Variants in CTNND2 observed in about 807,000 individuals in gnomAD.
CTNND2 encodes catenin delta-2.
In CTNND2, 22 loss-of-function variants were observed where a neutral mutation model predicts 144.4. The observed-to-expected ratio is 0.15, with a 90% confidence interval of 0.11 to 0.22. The LOEUF is 0.22. Among genes scored for constraint, CTNND2 ranks in the 10% least tolerant of loss-of-function variants. CTNND2 has a pLI of 1.00. For synonymous variants in CTNND2, 751 were observed against 695.6 expected (o/e 1.08, Z -1.25); for missense variants, 1,353 against 1,618.8 (o/e 0.84, Z 2.82).
intron 6 of CTNND2, among the ~76,000 whole-genome samples, chr5:11,386,905 G>A (rs1046640938): frequency 1.3e-5 from 2 of 152,138 alleles, no homozygotes; most frequent in Middle Eastern, 3.2e-3. Context: ...CTGAGCCCCA[G>A]AGAAATAGTC....
At chr5:11,585,776 C>G (rs1413060747) in intron 2 of CTNND2, among the ~76,000 whole-genome samples, 1 of 141,846 alleles carries the variant, frequency 7.0e-6, no homozygotes, top group Non-Finnish European at 1.5e-5. Flanking sequence ...GCGTCATTGA[C>G]AAGGTGACAT....
At chr5:11,076,620 C>G (rs554025870) in intron 16 of CTNND2, among the ~76,000 whole-genome samples, 1 of 152,202 alleles carries the variant, frequency 6.6e-6, no homozygotes. Flanking sequence ...CTATAGCATA[C>G]TTATTGCTGT....
intron 1 of CTNND2, among the ~76,000 whole-genome samples, chr5:11,810,785 T>C (rs1302369384): frequency 1.3e-5 from 2 of 152,176 alleles, no homozygotes; most frequent in African/African-American, 2.4e-5. Context: ...TAATTACGCA[T>C]TGTCATACTA....
chr5:11,532,326 G>A (rs1449224065), intron 3 of CTNND2, among the ~76,000 whole-genome samples: 1 of 100,954 alleles, frequency 9.9e-6, no homozygotes, highest in Non-Finnish European at 1.9e-5. Context: ...CTCCAGTATT[G>A]GCCTCAAGAA....
At chr5:11,710,634 A>C (rs780676673) in intron 2 of CTNND2, among the ~76,000 whole-genome samples, 1 of 152,282 alleles carries the variant, frequency 6.6e-6, no homozygotes, top group African/African-American at 2.4e-5. Flanking sequence ...GCCTATTAGC[A>C]GAAATCCTTG....
intron 1 of CTNND2, among the ~76,000 whole-genome samples, chr5:11,787,478 G>A (rs1232592866): frequency 1.3e-5 from 2 of 152,128 alleles, no homozygotes; most frequent in Non-Finnish European, 2.9e-5. Context: ...CCATGAAGTA[G>A]ACCCTTCAGT....
chr5:11,159,672 A>C lies in CTNND2; in HGVS notation c.2063T>G (p.Ile688Ser). 1 of 1,613,510 alleles carries C rather than the reference A, an allele frequency of 6.2e-7. No homozygotes were observed. The highest frequency in any genetic ancestry group is 8.5e-7 in the Non-Finnish European group (1 of 1,179,746). ...ALAVLTNAVI[I>S]PHSGWENSPL... ...CGAATTTTCCCAGCCTGAGTGGGGGATAATCACCGCGTTGGTCAGTACTGC... is the reference window on the plus strand; with the variant it reads ...CGAATTTTCCCAGCCTGAGTGGGGGCTAATCACCGCGTTGGTCAGTACTGC... The change falls in exon 12 of 22, where the codon ATC becomes AGC. Residue 688 changes from isoleucine (I) to serine (S), a missense_variant. Around this residue, in one of 4 missense-constraint regions of CTNND2, gnomAD observed 117 missense variants for 117.8 expected, o/e 0.99. Transcript: ENST00000304623.
chr5:11,012,286 G>A (rs1263909361), intron 18 of CTNND2, among the ~76,000 whole-genome samples: 1 of 152,160 alleles, frequency 6.6e-6, no homozygotes, highest in East Asian at 1.9e-4. Context: ...GAAAGGCCAT[G>A]AAGGTTCTTT....
intron 11 of CTNND2, among the ~76,000 whole-genome samples, chr5:11,162,215 A>G (rs1031895394): frequency 6.6e-6 from 1 of 152,170 alleles, no homozygotes; most frequent in Non-Finnish European, 1.5e-5. Flanking sequence ...ATTTTTTTAC[A>G]TGCAGTGAGT....
At position 11,386,707 on chromosome 5, in the gene CTNND2, A is replaced by T. The variant is rs576546639; in HGVS notation, c.613-1478T>A. ...ATAAAGCAATTATTTTAATGTTAAG[A>T]GTGAAAGTAAAATGTAAGCTCCATG... On this transcript the variant is annotated intron_variant, in intron 6 of 21. Coordinates refer to ENST00000304623, the MANE Select transcript of CTNND2 (RefSeq NM_001332.4). 4.9e-4 allele frequency among the ~76,000 whole-genome samples: 74 copies of T among 152,298 alleles called. No homozygotes were observed. The Middle Eastern group carries it at 0.024, about 49-fold the overall frequency.
At chr5:11,025,576 C>G (rs957390167) in intron 16 of CTNND2, among the ~76,000 whole-genome samples, 1 of 152,104 alleles carries the variant, frequency 6.6e-6, no homozygotes, top group African/African-American at 2.4e-5. Flanking sequence ...TCTTGTATGT[C>G]AAGGGGGCAA....
intron 9 of CTNND2, among the ~76,000 whole-genome samples, chr5:11,264,900 C>T (rs754357112): frequency 2.6e-5 from 4 of 152,092 alleles, no homozygotes; most frequent in Non-Finnish European, 5.9e-5. Flanking sequence ...CACTGCACTC[C>T]AGCCTGGGTG....
chr5:11,698,147 G>T (rs2126664123), intron 2 of CTNND2, among the ~76,000 whole-genome samples: 1 of 152,260 alleles, frequency 6.6e-6, no homozygotes, highest in South Asian at 2.1e-4. Context: ...AGTAAATGCT[G>T]CAGGGAAAGA....
intron 6 of CTNND2, among the ~76,000 whole-genome samples, chr5:11,394,110 G>T (rs1185905292): frequency 6.6e-6 from 1 of 152,056 alleles, no homozygotes; most frequent in Non-Finnish European, 1.5e-5. Flanking sequence ...CTATCATGCT[G>T]CACTCCCCCA....
chr5:11,870,673 T>C (rs1735032995), intron 1 of CTNND2, among the ~76,000 whole-genome samples: 1 of 152,206 alleles, frequency 6.6e-6, no homozygotes, highest in Admixed American at 6.5e-5. Context: ...AGAGAATGGT[T>C]TGGTCCTTGC....
intron 2 of CTNND2, among the ~76,000 whole-genome samples, chr5:11,636,821 A>C (rs1781732453): frequency 6.6e-6 from 1 of 152,210 alleles, no homozygotes; most frequent in African/African-American, 2.4e-5. Flanking sequence ...TGGAGCATGA[A>C]GAAGGGGCAG....
At chr5:11,105,434 A>G (rs1031307137) in intron 14 of CTNND2, among the ~76,000 whole-genome samples, 1 of 152,318 alleles carries the variant, frequency 6.6e-6, no homozygotes, top group African/African-American at 2.4e-5. Context: ...CAGTGGGTAG[A>G]GTCCAGGGAG....
intron 18 of CTNND2, among the ~76,000 whole-genome samples, chr5:11,004,502 G>A (rs1740274004): frequency 6.6e-6 from 1 of 152,176 alleles, no homozygotes; most frequent in South Asian, 2.1e-4. Context: ...AGTGGCTAAT[G>A]CCTGGAATCC....
At chr5:11,254,709 A>G (rs1223848298) in intron 9 of CTNND2, among the ~76,000 whole-genome samples, 1 of 152,240 alleles carries the variant, frequency 6.6e-6, no homozygotes, top group African/African-American at 2.4e-5. Context: ...GAAGTATGAA[A>G]TGTATAAAAT....
Sources: gnomAD v4.1 joint callset for allele counts (sites outside exome capture counted in the v4.1 genomes callset) on GRCh38, gnomAD v4.1.1 for gene constraint, gnomAD v4.1.1 regional missense constraint, MANE v1.5 for transcripts, NCBI Gene and HGNC (gene_info 2026-07-23, HGNC 2026-07-21) for gene names.